The following CCSER1 variants were observed in gnomAD, a reference collection of about 807,000 sequenced individuals.
CCSER1 encodes coiled-coil serine rich protein 1, also known as serine-rich coiled-coil domain-containing protein 1.
A neutral mutation model predicts 82.0 loss-of-function variants in CCSER1; 41 were observed. The ratio of observed to expected loss-of-function variants is 0.50; its 90% confidence interval spans 0.39 to 0.65. The LOEUF is 0.65. CCSER1 is among the 30% of genes least tolerant of loss of function. The pLI, the probability that CCSER1 is intolerant of heterozygous loss-of-function variation, is 0.00. For missense variants in CCSER1, 1,119 were observed against 1,064.2 expected (o/e 1.05, Z -0.72); for synonymous variants, 414 against 383.9 (o/e 1.08, Z -0.92).
chr4:91,250,845 A>G (rs1396753780), intron 10 of CCSER1, among the ~76,000 whole-genome samples: 1 of 152,082 alleles, frequency 6.6e-6, no homozygotes, highest in African/African-American at 2.4e-5. Context: ...TTTTAAAAAA[A>G]CAGAAGGAAA....
intron 10 of CCSER1, among the ~76,000 whole-genome samples, chr4:91,167,491 G>A (rs1343737637): frequency 6.6e-6 from 1 of 152,030 alleles, no homozygotes; most frequent in Admixed American, 6.6e-5. Context: ...GCCAAGAATT[G>A]CAATACTTAA....
chr4:91,315,344 C>T (rs878962231), intron 10 of CCSER1, among the ~76,000 whole-genome samples: 1 of 151,906 alleles, frequency 6.6e-6, no homozygotes, highest in Non-Finnish European at 1.5e-5. Flanking sequence ...GAAAGCAGTA[C>T]ACCTCCTTGT....
At chr4:91,242,097 G>T (rs1258432544) in intron 10 of CCSER1, among the ~76,000 whole-genome samples, 1 of 152,112 alleles carries the variant, frequency 6.6e-6, no homozygotes, top group Non-Finnish European at 1.5e-5. Flanking sequence ...AGAAGGTTAG[G>T]GGAGATCTTT....
chr4:90,943,038 G>A (rs1487216667), intron 9 of CCSER1, among the ~76,000 whole-genome samples: 3 of 151,316 alleles, frequency 2.0e-5, no homozygotes, highest in Non-Finnish European at 4.4e-5. Context: ...AGCCTGGAAG[G>A]TATATGTGCT....
intron 10 of CCSER1, among the ~76,000 whole-genome samples, chr4:91,587,256 T>C (rs1479993569): frequency 2.0e-5 from 3 of 151,892 alleles, no homozygotes; most frequent in African/African-American, 7.2e-5. Context: ...ACCTTAGCCT[T>C]ATAATTCCAA....
intron 10 of CCSER1, among the ~76,000 whole-genome samples, chr4:91,248,884 G>T (rs1451519177): frequency 6.6e-6 from 1 of 151,972 alleles, no homozygotes; most frequent in African/African-American, 2.4e-5. Context: ...CAATTTTTTG[G>T]TAACTCTATT....
chr4:91,052,427 T>G (rs1743087240), intron 9 of CCSER1, among the ~76,000 whole-genome samples: 1 of 152,082 alleles, frequency 6.6e-6, no homozygotes. Flanking sequence ...TTTTTAAAAA[T>G]ATATAATCTA....
chr4:90,695,534 A>G (rs1736849098), intron 6 of CCSER1, among the ~76,000 whole-genome samples: 1 of 152,044 alleles, frequency 6.6e-6, no homozygotes, highest in African/African-American at 2.4e-5. Flanking sequence ...CCTAGAAAGG[A>G]GTAAGGAATG....
chr4:90,949,544 C>T (rs990466756), intron 9 of CCSER1, among the ~76,000 whole-genome samples: 19 of 152,158 alleles, frequency 1.2e-4, no homozygotes, highest in African/African-American at 4.6e-4. Flanking sequence ...AAATTCCCAA[C>T]TGGAGTTATA....
intron 4 of CCSER1, among the ~76,000 whole-genome samples, chr4:90,444,816 C>A (rs919356326): frequency 1.3e-5 from 2 of 151,840 alleles, no homozygotes; most frequent in Non-Finnish European, 2.9e-5. Context: ...AAATTACGGG[C>A]AACTATAATT....
chr4:90,328,529 A>G (rs1738637587), intron 3 of CCSER1, among the ~76,000 whole-genome samples: 1 of 152,094 alleles, frequency 6.6e-6, no homozygotes, highest in African/African-American at 2.4e-5. Flanking sequence ...TTGTAATACT[A>G]TTTTCTACTC....
intron 10 of CCSER1, among the ~76,000 whole-genome samples, chr4:91,126,409 G>A (rs1727522379): frequency 6.6e-6 from 1 of 151,776 alleles, no homozygotes. Context: ...GTGTAATACA[G>A]GCTCATAATA....
chr4:91,232,202 T>A (rs1738678806), intron 10 of CCSER1, among the ~76,000 whole-genome samples: 1 of 151,886 alleles, frequency 6.6e-6, no homozygotes, highest in South Asian at 2.1e-4. Flanking sequence ...TGCCATTCAA[T>A]TCAGCAATTA....
chr4:90,586,298 A>T (rs1028265119), intron 5 of CCSER1, among the ~76,000 whole-genome samples: 11 of 152,244 alleles, frequency 7.2e-5, no homozygotes, highest in African/African-American at 2.6e-4. Context: ...AATTGTCTTC[A>T]CAAAACTGAC....
intron 6 of CCSER1, among the ~76,000 whole-genome samples, chr4:90,718,652 ATC>A (rs1479952660): frequency 6.6e-6 from 1 of 152,172 alleles, no homozygotes; most frequent in Non-Finnish European, 1.5e-5. Context: ...CAATAAAATG[ATC>A]TGTCAAAATT....
At chr4:91,312,816 C>T (rs897401039) in intron 10 of CCSER1, among the ~76,000 whole-genome samples, 1 of 151,870 alleles carries the variant, frequency 6.6e-6, no homozygotes, top group African/African-American at 2.4e-5. Context: ...AAAAAAATTG[C>T]ACTTGTACCC....
intron 10 of CCSER1, chr4:91,325,081 A>G: frequency 2.3e-6 from 1 of 435,822 alleles, no homozygotes. Flanking sequence ...GGCCCTAAAT[A>G]GCTTGGGGCT....
chr4:91,571,143 T>G (rs1160214870), intron 10 of CCSER1, among the ~76,000 whole-genome samples: 1 of 152,192 alleles, frequency 6.6e-6, no homozygotes, highest in Non-Finnish European at 1.5e-5. Flanking sequence ...ACCATCAGCA[T>G]TTTGGCCAAA....
At chr4:90,353,814 C>T (rs997636592) in intron 3 of CCSER1, among the ~76,000 whole-genome samples, 4 of 152,108 alleles carry the variant, frequency 2.6e-5, no homozygotes, top group African/African-American at 7.2e-5. Flanking sequence ...TGGTACTGGC[C>T]GGAGGAACCC....
Sources: gnomAD v4.1 joint callset for allele counts (sites outside exome capture counted in the v4.1 genomes callset) on GRCh38, gnomAD v4.1.1 for gene constraint, MANE v1.5 for transcripts, NCBI Gene and HGNC (gene_info 2026-07-23, HGNC 2026-07-21) for gene names.